The following ALK variants were observed in gnomAD, a reference collection of about 807,000 sequenced individuals.
ALK encodes the protein ALK tyrosine kinase receptor.
ALK carries 74 observed loss-of-function variants against 163.1 expected under a neutral mutation model. The ratio of observed to expected loss-of-function variants is 0.45; its 90% CI spans 0.38 to 0.55. The LOEUF (loss-of-function observed/expected upper bound fraction) is 0.55, where lower values mean the gene tolerates loss of function less well. Among genes scored for constraint, ALK ranks in the 20% least tolerant of loss-of-function variants. ALK has a pLI of 0.00. For synonymous variants in ALK, 960 were observed against 843.2 expected, an observed-to-expected ratio of 1.14 and a Z score of -2.40; for missense variants, 2,063 against 2,105.3, an observed-to-expected ratio of 0.98 and a Z score of 0.39.
intron 11 of ALK, among the ~76,000 whole-genome samples, chr2:29,264,835 T>C (rs1015545045): frequency 3.0e-4 from 46 of 152,170 alleles, no homozygotes; most frequent in African/African-American, 1.1e-3. Context: ...TTAGTGTAAG[T>C]GGACGTTTGC....
intron 3 of ALK, among the ~76,000 whole-genome samples, chr2:29,543,153 C>T (rs1673459645): frequency 6.6e-6 from 1 of 152,028 alleles, no homozygotes; most frequent in African/African-American, 2.4e-5. Context: ...TTATACTATG[C>T]AGAAATGAAC....
chr2:29,708,241 G>A (rs1343539937), intron 2 of ALK, among the ~76,000 whole-genome samples: 1 of 152,108 alleles, frequency 6.6e-6, no homozygotes, highest in South Asian at 2.1e-4. Context: ...CTAATTTTTT[G>A]TAGTTTTAAT....
rs147565207 is a variant in ALK, at chr2:29,342,011, C to T, written c.1283-13530G>A. 2.6e-3 allele frequency among the ~76,000 whole-genome samples: 389 copies of T among 152,104 alleles called. 2 individuals are homozygous for T. Among genetic ancestry groups the T allele is most frequent in the African/African-American group, 8.7e-3 (359 of 41,472 alleles). On this transcript the variant is annotated intron_variant, in intron 5 of 28. Coordinates refer to ENST00000389048, the MANE Select transcript of ALK (RefSeq NM_004304.5). ...AGGCAGGAAGGATAAATAACAACAA[C>T]GAAAATAATATTCAGCCTACTATGT...
intron 4 of ALK, among the ~76,000 whole-genome samples, chr2:29,473,536 C>G (rs920851110): frequency 1.3e-5 from 2 of 152,064 alleles, no homozygotes; most frequent in African/African-American, 4.8e-5. Context: ...GCCCTAAAAT[C>G]ATTAAGAAAA....
At chr2:29,783,368 G>A (rs1191553493) in intron 1 of ALK, among the ~76,000 whole-genome samples, 1 of 152,100 alleles carries the variant, frequency 6.6e-6, no homozygotes, top group Non-Finnish European at 1.5e-5. Flanking sequence ...TTTGCTGTAG[G>A]ACCAAGAAAA....
intron 4 of ALK, among the ~76,000 whole-genome samples, chr2:29,399,719 G>C (rs1320891439): frequency 1.3e-5 from 2 of 152,156 alleles, no homozygotes; most frequent in Non-Finnish European, 2.9e-5. Context: ...CGTTTATGAG[G>C]TCTTCCTTTG....
At chr2:29,356,828 T>A (rs1470323180) in intron 5 of ALK, among the ~76,000 whole-genome samples, 2 of 152,144 alleles carry the variant, frequency 1.3e-5, no homozygotes, top group African/African-American at 4.8e-5. Context: ...TGAGCTGTCT[T>A]GGACAGAGAA....
At chr2:29,393,324 A>G (rs1284381451) in intron 4 of ALK, among the ~76,000 whole-genome samples, 1 of 152,150 alleles carries the variant, frequency 6.6e-6, no homozygotes, top group Non-Finnish European at 1.5e-5. Flanking sequence ...TGAGTTGTAG[A>G]AACCAGAAGT....
At chr2:29,872,853 C>T (rs1381252876) in intron 1 of ALK, among the ~76,000 whole-genome samples, 12 of 152,218 alleles carry the variant, frequency 7.9e-5, no homozygotes, top group Non-Finnish European at 7.3e-5. Context: ...GCTCTCTTCA[C>T]TTTCAAGTTG....
At chr2:29,859,260 G>A (rs551747408) in intron 1 of ALK, among the ~76,000 whole-genome samples, 13 of 152,292 alleles carry the variant, frequency 8.5e-5, no homozygotes, top group Admixed American at 7.2e-4. Context: ...TGTCTGCAAG[G>A]TAAGGCTCAG....
intron 3 of ALK, among the ~76,000 whole-genome samples, chr2:29,592,163 C>T (rs1023320171): frequency 9.9e-5 from 15 of 152,042 alleles, no homozygotes; most frequent in East Asian, 5.8e-4. Flanking sequence ...GGGTACTCAG[C>T]GGGTCCCAGA....
chr2:29,599,393 A>G (rs987058411), intron 3 of ALK, among the ~76,000 whole-genome samples: 3 of 152,246 alleles, frequency 2.0e-5, no homozygotes, highest in Non-Finnish European at 4.4e-5. Context: ...ACTTCATAAC[A>G]TGTTTTTAAG....
chr2:29,803,779 T>C (rs1050981021), intron 1 of ALK, among the ~76,000 whole-genome samples: 3 of 151,968 alleles, frequency 2.0e-5, no homozygotes, highest in Non-Finnish European at 4.4e-5. Context: ...AGCTTAGAGG[T>C]TGGAGGTGGG....
chr2:29,193,173 C>T lies in ALK; in HGVS notation c.*51G>A, dbSNP rs368100947. 2 of 1,588,118 alleles carry T rather than the reference C, an allele frequency of 1.3e-6. No individual in the cohort carries two copies. The highest frequency in any genetic ancestry group is 2.7e-5 in the African/African-American group (2 of 74,420). On this transcript the variant is annotated 3_prime_UTR_variant, in exon 29 of 29. Transcript: ENST00000389048. The stretch of plus-strand genomic sequence containing the variant: ...TGTGAAGGAGCCATTGCCTCTCTCT[C>T]CTCCACGGTCTTAGGGATCCCAAGG...
At chr2:29,385,615 T>A (rs1259270043) in intron 4 of ALK, among the ~76,000 whole-genome samples, 3 of 152,126 alleles carry the variant, frequency 2.0e-5, no homozygotes, top group Admixed American at 2.0e-4. Flanking sequence ...GGTCTCCAAT[T>A]CCTGGATTCA....
chr2:29,305,300 C>T (rs1023323959), intron 8 of ALK, among the ~76,000 whole-genome samples: 9 of 151,938 alleles, frequency 5.9e-5, no homozygotes, highest in African/African-American at 2.2e-4. Context: ...TGAGAATAAC[C>T]GAGAGAGAGA....
chr2:29,219,285 C>A (rs1669720670), intron 23 of ALK, among the ~76,000 whole-genome samples: 1 of 152,196 alleles, frequency 6.6e-6, no homozygotes, highest in Admixed American at 6.5e-5. Context: ...TTCCTCTTCT[C>A]AAGGGGTAAG....
At chr2:29,328,502 C>A (rs571545181) in intron 5 of ALK, 21 bp from the exon 6 acceptor site, 3 of 1,614,124 alleles carry the variant, frequency 1.9e-6, no homozygotes, top group Admixed American at 1.7e-5. Context: ...CACAGACACA[C>A]AACCATGGTA....
In ALK at chr2:29,227,692, A is replaced by G. The variant is rs1664048692; in HGVS notation, c.2816-20T>C. On this transcript the variant is annotated intron_variant, in intron 16 of 28. Transcript: ENST00000389048. This position sits in a 1 kb window ranked among gnomAD's most constrained non-coding sequence, Gnocchi z 4.4. ...TGCCGCCTGAGTAGCAAACCAGAGC[A>G]GAGTTTAACATGGGGGGTGGGTGCC... The G allele has an allele frequency of 1.2e-6, 2 of 1,603,908 alleles. No individual in the cohort carries two copies. Among genetic ancestry groups the G allele is most frequent in the Non-Finnish European group, 1.7e-6 (2 of 1,171,460 alleles).
Sources: gnomAD v4.1 joint callset for allele counts (sites outside exome capture counted in the v4.1 genomes callset) on GRCh38, gnomAD v4.1.1 for gene constraint, Gnocchi (gnomAD v3.1) non-coding constraint, MANE v1.5 for transcripts, NCBI Gene and HGNC (gene_info 2026-07-23, HGNC 2026-07-21) for gene names.